NDUFAF4: variants seen among roughly 807,000 people sequenced by gnomAD.
The protein encoded by NDUFAF4 is NADH dehydrogenase [ubiquinone] 1 alpha subcomplex assembly factor 4.
Under a neutral mutation model 15.6 loss-of-function variants are expected in NDUFAF4, and 10 were observed. The observed-to-expected ratio is 0.64, with a 90% CI of 0.40 to 1.09. The LOEUF (loss-of-function observed/expected upper bound fraction) is 1.09, where lower values mean the gene tolerates loss of function less well. Ranked by LOEUF, NDUFAF4 falls within the 50% of genes least tolerant of loss-of-function variation. The probability of loss-of-function intolerance (pLI) is 0.01; values close to 1 mark genes in which losing one functional copy is unlikely to be tolerated. For synonymous variants in NDUFAF4, 77 were observed against 73.3 expected (o/e 1.05, Z -0.26); for missense variants, 203 against 207.3 (o/e 0.98, Z 0.13).
chr6:96,897,399 C>G (rs1047388159), intron 1 of NDUFAF4, among the ~76,000 whole-genome samples: 1 of 152,240 alleles, frequency 6.6e-6, no homozygotes, highest in Admixed American at 6.5e-5. Context: ...TCCGTGACAG[C>G]AGCCGGCGAG....
intron 1 of NDUFAF4, 81 bp from the exon 2 acceptor site, chr6:96,896,928 CT>C: frequency 9.8e-7 from 1 of 1,023,828 alleles, no homozygotes; most frequent in South Asian, 1.3e-5. Context: ...CAAACGCTTT[CT>C]TTTATTTTCT....
intron 2 of NDUFAF4, 70 bp from the exon 3 acceptor site, chr6:96,891,461 C>A: frequency 7.2e-7 from 1 of 1,397,654 alleles, no homozygotes; most frequent in Non-Finnish European, 1.0e-6. Context: ...CTTCTCAAAT[C>A]TACACTATTC....
chr6:96,897,310 AG>A (rs1281303343), intron 1 of NDUFAF4, among the ~76,000 whole-genome samples: 1 of 152,212 alleles, frequency 6.6e-6, no homozygotes, highest in Non-Finnish European at 1.5e-5. Context: ...ATTCCAGGTC[AG>A]GCTCTGCGTC....
At chr6:96,894,464 G>A (rs745754775) in intron 2 of NDUFAF4, among the ~76,000 whole-genome samples, 8 of 151,804 alleles carry the variant, frequency 5.3e-5, no homozygotes, top group Non-Finnish European at 1.2e-4. Flanking sequence ...ACTTAATGAG[G>A]AAAAAAAATC....
Position 96,896,959 on chromosome 6 carries a change from C to G in NDUFAF4, c.137-112G>C, listed in dbSNP as rs989460767. On this transcript the variant is annotated intron_variant, in intron 1 of 2. Coordinates refer to ENST00000316149, the MANE Select transcript of NDUFAF4 (RefSeq NM_014165.4). ...TTTTCTTTTTTGAGTCGGAGTCTCG[C>G]TCTGTTGCCCAGACTGGAGTGCAGT... The G allele has an allele frequency of 6.1e-6, 5 of 817,044 alleles. No individual in the cohort carries two copies. The Admixed American group carries it at 7.8e-5, about 13-fold the overall frequency. 50.6% of individuals were successfully genotyped at this position (817,044 alleles called of 1,614,324 possible). A position where few individuals can be genotyped will look rare whatever the true frequency, so the allele number is the denominator to read the frequency against.
chr6:96,891,468 AT>A, intron 2 of NDUFAF4, 77 bp from the exon 3 acceptor site: 1 of 1,365,284 alleles, frequency 7.3e-7, no homozygotes, highest in South Asian at 1.2e-5. Context: ...AATCTACACT[AT>A]TCCTCTTCAA....
chr6:96,897,875 G>A lies in NDUFAF4; in HGVS notation c.-74C>T, dbSNP rs1054148080. 63 of 1,608,638 alleles carry A rather than the reference G, an allele frequency of 3.9e-5. No individual in the cohort carries two copies. The highest frequency in any genetic ancestry group is 1.0e-4 in the Admixed American group (6 of 59,954). On this transcript the variant is annotated 5_prime_UTR_variant, in exon 1 of 3. Transcript: ENST00000316149. ...GGCGCAGGACAACTCCGGGACACCC[G>A]GAGCATGCGCACAAGTGAGGGGAAG...
At chr6:96,894,074 T>C (rs1318773611) in intron 2 of NDUFAF4, among the ~76,000 whole-genome samples, 1 of 152,352 alleles carries the variant, frequency 6.6e-6, no homozygotes, top group East Asian at 1.9e-4. Context: ...TAGTAGTACC[T>C]GGCTTTATCT....
At position 96,897,870 on chromosome 6, in the gene NDUFAF4, C is replaced by A; in HGVS notation, c.-69G>T. The A allele has an allele frequency of 1.2e-6, 2 of 1,607,584 alleles. No homozygotes were observed. Among genetic ancestry groups the A allele is most frequent in the Non-Finnish European group, 1.7e-6 (2 of 1,175,716 alleles). On this transcript the variant is annotated 5_prime_UTR_variant, in exon 1 of 3. Coordinates refer to ENST00000316149, the MANE Select transcript of NDUFAF4 (RefSeq NM_014165.4). ...ACACCGGCGCAGGACAACTCCGGGA[C>A]ACCCGGAGCATGCGCACAAGTGAGG...
Position 96,896,220 on chromosome 6 carries a change from A to G in NDUFAF4, c.240+524T>C, listed in dbSNP as rs117656595. ...AGCACTTGTGCCCAGGACTTACATA[A>G]TACAGAATATGGATTTACACATAGG... On this transcript the variant is annotated intron_variant, in intron 2 of 2. Coordinates refer to ENST00000316149, the MANE Select transcript of NDUFAF4 (RefSeq NM_014165.4). 157 of 167,676 alleles carry G rather than the reference A, an allele frequency of 9.4e-4. 2 individuals carry two copies. In the East Asian group the frequency reaches 0.022, roughly 23 times the overall value. The allele number at this position is 167,676 out of a possible 1,614,324, so 10.4% of individuals were successfully genotyped here.
rs1775409901 is a variant in NDUFAF4, at chr6:96,897,808, A to C, written c.-7T>G. On this transcript the variant is annotated 5_prime_UTR_variant, in exon 1 of 3. It removes an upstream start codon present in the reference 5' UTR. Transcript: ENST00000316149. ...GAATCACTAGTGCTCCCATCTCCTC[A>C]TAACATTATGCGCTCAGGTTCAGGC... 6.2e-7 allele frequency: 1 copy of C among 1,613,848 alleles called. No homozygotes were observed. The highest frequency in any genetic ancestry group is 1.3e-5 in the African/African-American group (1 of 74,920).
rs1459479419 is a variant in NDUFAF4 at position 96,889,517 on chromosome 6, T to C, written c.*1587A>G. 3 of 152,382 alleles carry C rather than the reference T, an allele frequency of 2.0e-5. No individual in the cohort carries two copies. Among genetic ancestry groups the C allele is most frequent in the East Asian group, 3.8e-4 (2 of 5,200 alleles). The allele number at this position is 152,382 out of a possible 1,614,324, so 9.4% of individuals were successfully genotyped here. A position where few individuals can be genotyped will look rare whatever the true frequency, so the allele number is the denominator to read the frequency against. On this transcript the variant is annotated 3_prime_UTR_variant, in exon 3 of 3. Coordinates refer to ENST00000316149, the MANE Select transcript of NDUFAF4 (RefSeq NM_014165.4). The stretch of plus-strand genomic sequence containing the variant: ...CATTTTATATTGAGTAGTTATTTCA[T>C]GTTTTCTTAAAACAATTATTGTATT...
intron 2 of NDUFAF4, among the ~76,000 whole-genome samples, chr6:96,896,317 A>C (rs1177837750): frequency 6.6e-6 from 1 of 152,182 alleles, no homozygotes; most frequent in Admixed American, 6.5e-5. Flanking sequence ...TTAAAAAAAC[A>C]AACAGGAACA....
chr6:96,896,645 C>T (rs1315210051), intron 2 of NDUFAF4, 99 bp downstream of exon 2: 10 of 985,448 alleles, frequency 1.0e-5, no homozygotes, highest in Non-Finnish European at 1.6e-5. Context: ...ACAACACACA[C>T]TTGCAGAGCA....
chr6:96,893,368 A>G (rs1221534419), intron 2 of NDUFAF4, among the ~76,000 whole-genome samples: 1 of 152,188 alleles, frequency 6.6e-6, no homozygotes, highest in Non-Finnish European at 1.5e-5. Flanking sequence ...AGAATAAAAC[A>G]AAACTCCTTA....
In NDUFAF4 at chr6:96,891,358, C is replaced by T. The variant is rs1167866425; in HGVS notation, c.274G>A (p.Glu92Lys). Reference protein sequence around the residue: ...KAAETCQEPKEFRLPKDHHFD... With the variant: ...KAAETCQEPKKFRLPKDHHFD... ...TGATGGTCTTTCGGCAATCTGAATT[C>T]CTTCGGCTCTTGACATGTTTCAGCA... The change falls in exon 3 of 3, where the codon GAA (glutamate) becomes AAA (lysine). Residue 92 changes from glutamate to lysine, a missense_variant. Physicochemically the swap from Glu to Lys is moderately conservative, Grantham distance 56 (BLOSUM62 1). Transcript: ENST00000316149. The T allele has an allele frequency of 5.0e-6, 8 of 1,612,628 alleles. No homozygotes were observed. The highest frequency in any genetic ancestry group is 1.3e-5 in the African/African-American group (1 of 74,524).
chr6:96,890,885 G>A lies in NDUFAF4; in HGVS notation c.*219C>T, dbSNP rs1333053300. On this transcript the variant is annotated 3_prime_UTR_variant, in exon 3 of 3. Transcript: ENST00000316149. ...AGGTACAGATGTGCTCAGTCATGCT[G>A]ACATGCACTTATGAAATATGCCTAA... 4.0e-6 allele frequency: 2 copies of A among 499,356 alleles called. No individual in the cohort carries two copies. Among genetic ancestry groups the A allele is most frequent in the Non-Finnish European group, 7.2e-6 (2 of 278,400 alleles). 30.9% of individuals were successfully genotyped at this position (499,356 alleles called of 1,614,324 possible). A position where few individuals can be genotyped will look rare whatever the true frequency, so the allele number is the denominator to read the frequency against.
intron 2 of NDUFAF4, among the ~76,000 whole-genome samples, chr6:96,894,064 T>C (rs1330324037): frequency 6.6e-6 from 1 of 152,208 alleles, no homozygotes; most frequent in Non-Finnish European, 1.5e-5. Context: ...TTCTGATATA[T>C]AGTAGTACCT....
In NDUFAF4 at chr6:96,897,873, C is replaced by A; in HGVS notation, c.-72G>T. The A allele has an allele frequency of 1.2e-6, 2 of 1,606,950 alleles. No homozygotes were observed. The highest frequency in any genetic ancestry group is 1.7e-6 in the Non-Finnish European group (2 of 1,175,612). On this transcript the variant is annotated 5_prime_UTR_variant, in exon 1 of 3. Coordinates refer to ENST00000316149, the MANE Select transcript of NDUFAF4 (RefSeq NM_014165.4). ...CCGGCGCAGGACAACTCCGGGACAC[C>A]CGGAGCATGCGCACAAGTGAGGGGA...
Sources: allele counts gnomAD v4.1 joint callset (sites outside exome capture counted in the v4.1 genomes callset), GRCh38; gene constraint gnomAD v4.1.1; transcripts MANE v1.5; gene names NCBI Gene and HGNC (gene_info 2026-07-23, HGNC 2026-07-21).